Variants in PNCK observed in about 807,000 individuals in gnomAD.
The protein encoded by PNCK is pregnancy up-regulated nonubiquitous CaM kinase.
PNCK carries 21 observed loss-of-function variants against 28.3 expected under a neutral mutation model. The observed-to-expected ratio is 0.74, with a 90% CI of 0.53 to 1.07. The LOEUF (loss-of-function observed/expected upper bound fraction) is 1.07, where lower values mean the gene tolerates loss of function less well. Among genes scored for constraint, PNCK ranks in the 50% least tolerant of loss-of-function variants. The pLI, the probability that PNCK is intolerant of heterozygous loss-of-function variation, is 0.00. For synonymous variants in PNCK, 136 were observed against 125.2 expected (o/e 1.09, Z -0.58); for missense variants, 250 against 298.3 (o/e 0.84, Z 1.19).
At chrX:153,683,265 T>TG (rs1427948546) in intron 1 of PNCK, among the ~76,000 whole-genome samples, 1 of 111,001 alleles carries the variant, frequency 9.0e-6, no homozygotes, top group Non-Finnish European at 1.9e-5. Flanking sequence ...CTCAGCCTCC[T>TG]GAGTAGCTGG....
At chrX:153,674,021 G>C, upstream of PNCK, 13 of 1,190,089 alleles carry the variant, frequency 1.1e-5, no homozygotes, top group Non-Finnish European at 1.4e-5. Context: ...CTGCGGCCCG[G>C]CTGGGCCGGC....
intron 5 of PNCK, 82 bp from the exon 6 acceptor site, chrX:153,671,754 C>G: frequency 8.6e-7 from 1 of 1,163,844 alleles, no homozygotes; most frequent in Non-Finnish European, 1.2e-6. Context: ...ACTAGGCACT[C>G]TCAGGTTCCC....
At chrX:153,674,973 C>G (rs782195577), upstream of PNCK, 1 of 112,400 alleles carries the variant, frequency 8.9e-6, no homozygotes, top group Non-Finnish European at 1.9e-5. Context: ...GCAGCTCTTG[C>G]CCCCTGGCCT....
chrX:153,684,973 G>A (rs1216341723), intron 1 of PNCK, among the ~76,000 whole-genome samples: 1 of 88,184 alleles, frequency 1.1e-5, no homozygotes, highest in Non-Finnish European at 2.2e-5. Context: ...CTCCCCGGTC[G>A]CCTCTGCCCC....
chrX:153,683,735 G>A (rs947017761), intron 1 of PNCK, among the ~76,000 whole-genome samples: 4 of 111,306 alleles, frequency 3.6e-5, no homozygotes, highest in Non-Finnish European at 7.5e-5. Flanking sequence ...CGGACAGGGG[G>A]CTAGGGAATG....
chrX:153,674,470 C>T (rs184054407), upstream of PNCK: 5 of 244,410 alleles, frequency 2.0e-5, no homozygotes, highest in Admixed American at 1.3e-4. Context: ...GCTCCCCTGC[C>T]TGGAATGTTC....
chrX:153,686,203 C>T (rs1330552581), intron 1 of PNCK, among the ~76,000 whole-genome samples: 1 of 112,092 alleles, frequency 8.9e-6, no homozygotes, highest in African/African-American at 3.2e-5. Context: ...TGGCGACTCC[C>T]TCATGATCCT....
rs1557040294 is a variant in PNCK at position 153,672,562 on chromosome X, G to A, written c.200+4C>T. On this transcript the variant is annotated splice_donor_region_variant and intron_variant, in intron 3 of 11. Coordinates refer to ENST00000340888, the MANE Select transcript of PNCK (RefSeq NM_001366977.1). ...CCCGTCCCAGGGCCCCGCGAGGTGC[G>A]CACCTACGGAGCACTGCGATCTCGT... 4.2e-6 allele frequency: 5 copies of A among 1,204,500 alleles called. No individual in the cohort carries two copies. Among genetic ancestry groups the A allele is most frequent in the East Asian group, 3.0e-5 (1 of 33,804 alleles).
At position 153,673,118 on chromosome X, in the gene PNCK, C is replaced by T. The variant is rs782008293; in HGVS notation, c.-2-40G>A. 9 of 1,164,244 alleles carry T rather than the reference C, an allele frequency of 7.7e-6. No individual in the cohort carries two copies. In the African/African-American group the frequency reaches 1.4e-4, roughly 18 times the overall value. ...GAGAGGTGATGGGGGTCTCTCCCCG[C>T]CCCGCCGGGGGCAAGGGCAGCTTCC... is the stretch of plus-strand genomic sequence containing the variant. On this transcript the variant is annotated intron_variant, in intron 1 of 11. Transcript: ENST00000340888.
At chrX:153,682,920 G>C (rs1279406576) in intron 1 of PNCK, among the ~76,000 whole-genome samples, 1 of 111,871 alleles carries the variant, frequency 8.9e-6, no homozygotes, top group Non-Finnish European at 1.9e-5. Flanking sequence ...CCTGCACCCA[G>C]GTAAAATAAA....
At chrX:153,675,876 C>T (rs782281755), upstream of PNCK, among the ~76,000 whole-genome samples, 1 of 106,539 alleles carries the variant, frequency 9.4e-6, no homozygotes, top group Admixed American at 9.9e-5. Flanking sequence ...GGCAAGGTGG[C>T]TTATGCCTGT....
upstream of PNCK, among the ~76,000 whole-genome samples, chrX:153,677,218 G>A (rs1055527509): frequency 5.4e-5 from 6 of 111,719 alleles, no homozygotes; most frequent in Admixed American, 3.8e-4. Flanking sequence ...GATTACAGGC[G>A]TGAGCCACCG....
upstream of PNCK, among the ~76,000 whole-genome samples, chrX:153,678,852 T>A (rs1253966521): frequency 9.5e-6 from 1 of 105,079 alleles, no homozygotes; most frequent in Non-Finnish European, 1.9e-5. Context: ...TTTTTTTTTT[T>A]AATCTATTTT....
Position 153,686,141 on chromosome X carries a change from C to T in PNCK, c.-3+1290G>A, listed in dbSNP as rs377589730. 2.1e-3 allele frequency among the ~76,000 whole-genome samples: 234 copies of T among 109,888 alleles called. 2 individuals are homozygous for T. The highest frequency in any genetic ancestry group is 7.6e-3 in the African/African-American group (218 of 28,794). On this transcript the variant is annotated intron_variant, in intron 1 of 3. Coordinates refer to the PNCK transcript ENST00000419804. ...CCAGTACCCTCCAGCCTGGCCACCT[C>T]GCCCTCTGCCTCGGCCTCCTCTGAT...
upstream of PNCK, among the ~76,000 whole-genome samples, chrX:153,676,593 G>C (rs2091367295): frequency 8.9e-6 from 1 of 112,184 alleles, no homozygotes; most frequent in Non-Finnish European, 1.9e-5. Flanking sequence ...GCCGGGTGTG[G>C]TGGCTCATGC....
rs1191213601 is a variant in PNCK, at chrX:153,669,960, G to T, written c.*178C>A. ...AGCCACTGCCCCCAGGCAGGGCAGA[G>T]CCTGGGGACAGACTTGGGGGTGCCC... On this transcript the variant is annotated 3_prime_UTR_variant, in exon 12 of 12. Transcript: ENST00000340888. 3.0e-6 allele frequency: 1 copy of T among 328,193 alleles called. No individual in the cohort carries two copies. The highest frequency in any genetic ancestry group is 6.1e-6 in the Non-Finnish European group (1 of 164,308). 27.0% of individuals were successfully genotyped at this position (328,193 alleles called of 1,213,427 possible).
intron 1 of PNCK, 77 bp from the exon 2 acceptor site, chrX:153,673,155 C>G (rs1285886786): frequency 7.7e-6 from 9 of 1,174,484 alleles, no homozygotes; most frequent in Non-Finnish European, 1.0e-5. Flanking sequence ...CCTCCACCCC[C>G]TGCCAGGCAG....
Position 153,670,001 on chromosome X carries a change from G to A in PNCK, c.*137C>T, listed in dbSNP as rs942638499. 1.4e-5 allele frequency: 4 copies of A among 294,017 alleles called. No individual in the cohort carries two copies. Among genetic ancestry groups the A allele is most frequent in the Admixed American group, 8.0e-5 (2 of 24,876 alleles). 24.2% of individuals were successfully genotyped at this position (294,017 alleles called of 1,213,427 possible). ...GGGGGTGCCCCATTCCAACCCCAGC[G>A]CCATGCGCCACACCCTCAAATCTCA... On this transcript the variant is annotated 3_prime_UTR_variant, in exon 12 of 12. Coordinates refer to ENST00000340888, the MANE Select transcript of PNCK (RefSeq NM_001366977.1).
At chrX:153,670,707 C>T (rs376439654) in intron 10 of PNCK, 37 bp downstream of exon 10, 52 of 1,155,207 alleles carry the variant, frequency 4.5e-5, no homozygotes, top group Non-Finnish European at 5.7e-5. Flanking sequence ...AGCTGGGGTG[C>T]GGCGGGCGAC....
Sources: allele counts gnomAD v4.1 joint callset (sites outside exome capture counted in the v4.1 genomes callset), GRCh38; gene constraint gnomAD v4.1.1; transcripts MANE v1.5; gene names NCBI Gene and HGNC (gene_info 2026-07-23, HGNC 2026-07-21).